The following EML6 variants were observed in gnomAD, a reference collection of about 807,000 sequenced individuals.
EML6 encodes echinoderm microtubule-associated protein-like 6.
EML6 carries 154 observed loss-of-function variants against 240.1 expected under a neutral mutation model. The ratio of observed to expected loss-of-function variants is 0.64; its 90% CI spans 0.56 to 0.73. The LOEUF is 0.73. EML6 is among the 30% of genes least tolerant of loss of function. The pLI, the probability that EML6 is intolerant of heterozygous loss-of-function variation, is 0.00. For missense variants in EML6, 2,964 were observed against 2,474.6 expected (o/e 1.20, Z -4.20); for synonymous variants, 1,148 against 899.0 (o/e 1.28, Z -4.95).
At chr2:54,726,071 C>A (rs2104358557) in intron 2 of EML6, among the ~76,000 whole-genome samples, 1 of 152,330 alleles carries the variant, frequency 6.6e-6, no homozygotes, top group East Asian at 1.9e-4. Context: ...CATTTTCCTC[C>A]AGCCCTTGTC....
At chr2:54,918,789 G>A (rs1280396350) in intron 26 of EML6, among the ~76,000 whole-genome samples, 1 of 152,154 alleles carries the variant, frequency 6.6e-6, no homozygotes, top group Admixed American at 6.6e-5. Flanking sequence ...AAAGACAAGT[G>A]GATAGTGGTC....
At chr2:54,734,984 C>A (rs1426215864) in intron 2 of EML6, among the ~76,000 whole-genome samples, 1 of 152,192 alleles carries the variant, frequency 6.6e-6, no homozygotes, top group African/African-American at 2.4e-5. Flanking sequence ...GTCTTAACAT[C>A]CTCCAGCCAC....
At chr2:54,965,661 C>T (rs1407981243) in intron 38 of EML6, among the ~76,000 whole-genome samples, 1 of 152,038 alleles carries the variant, frequency 6.6e-6, no homozygotes, top group Non-Finnish European at 1.5e-5. Flanking sequence ...TCTTCCTGCA[C>T]TAAGTCACTT....
intron 15 of EML6, among the ~76,000 whole-genome samples, chr2:54,870,950 A>G (rs932247850): frequency 6.6e-6 from 1 of 152,174 alleles, no homozygotes; most frequent in African/African-American, 2.4e-5. Context: ...CTACTATTAT[A>G]ATTTTCTTTG....
intron 31 of EML6, among the ~76,000 whole-genome samples, chr2:54,953,305 C>T (rs138204091): frequency 1.1e-4 from 17 of 152,294 alleles, no homozygotes; most frequent in African/African-American, 1.7e-4. Context: ...GGTGATATTA[C>T]GGAAACCCCA....
chr2:54,769,221 T>C (rs1184666767), intron 2 of EML6, among the ~76,000 whole-genome samples: 1 of 152,210 alleles, frequency 6.6e-6, no homozygotes, highest in Non-Finnish European at 1.5e-5. Context: ...TTAGTAGTGA[T>C]GTCAGAAGAC....
intron 26 of EML6, among the ~76,000 whole-genome samples, chr2:54,921,788 T>G (rs1207625361): frequency 6.6e-6 from 1 of 152,098 alleles, no homozygotes; most frequent in Non-Finnish European, 1.5e-5. Context: ...TATTATATAG[T>G]CCATCTTTGA....
intron 2 of EML6, among the ~76,000 whole-genome samples, chr2:54,743,149 G>A (rs759509789): frequency 6.6e-6 from 1 of 152,184 alleles, no homozygotes; most frequent in African/African-American, 2.4e-5. Context: ...GCCTATCCCC[G>A]CAGCTCAGGG....
intron 39 of EML6, 141 bp from the exon 40 acceptor site, chr2:54,967,987 A>G (rs906706982): frequency 6.7e-6 from 5 of 750,088 alleles, no homozygotes; most frequent in Admixed American, 4.7e-5. Context: ...GCCATGGACC[A>G]GTACCGTTCC....
chr2:54,958,967 C>T (rs1676364428), intron 33 of EML6, 137 bp from the exon 34 acceptor site: 1 of 774,296 alleles, frequency 1.3e-6, no homozygotes, highest in East Asian at 2.9e-5. Context: ...AATTCTGCTG[C>T]TTTCCTTAGC....
chr2:54,898,497 G>A (rs1183070337), intron 21 of EML6, among the ~76,000 whole-genome samples: 1 of 152,104 alleles, frequency 6.6e-6, no homozygotes, highest in African/African-American at 2.4e-5. Flanking sequence ...CGGGGATGTA[G>A]GGTGTCCTCA....
Position 54,859,691 on chromosome 2 carries a change from T to C in EML6, c.1815T>C (p.Thr605=). Residue 605 remains threonine (T), a synonymous_variant, in exon 12 of 42, where the codon ACT becomes ACC. Transcript: ENST00000356458. ...GTGTCAGCAACGGCATGCTGGAAAC[T>C]GCACCCCAAGGTAAACCCAGCAATA... is the stretch of plus-strand genomic sequence containing the variant. ...PEGVSNGMLE[T]APQEGGADSY... 2.6e-6 allele frequency: 4 copies of C among 1,536,390 alleles called. 1 individual carries two copies. Among genetic ancestry groups the C allele is most frequent in the Non-Finnish European group, 3.5e-6 (4 of 1,143,002 alleles).
At chr2:54,818,107 C>T (rs1668159806) in intron 4 of EML6, among the ~76,000 whole-genome samples, 1 of 152,110 alleles carries the variant, frequency 6.6e-6, no homozygotes, top group Non-Finnish European at 1.5e-5. Flanking sequence ...TATAGTCTGA[C>T]CTGAACTAGT....
chr2:54,839,302 G>T (rs900780803), intron 7 of EML6, among the ~76,000 whole-genome samples: 13 of 152,334 alleles, frequency 8.5e-5, no homozygotes, highest in African/African-American at 2.9e-4. Context: ...ATGTTATTAG[G>T]AAACATGAAT....
rs1201270341 is a variant in EML6 at position 54,850,167 on chromosome 2, T to C, written c.1393T>C (p.Tyr465His). Residue 465 changes from tyrosine (Y) to histidine (H), a missense_variant, in exon 10 of 42, where the codon TAC becomes CAC. Coordinates refer to ENST00000356458, the MANE Select transcript of EML6 (RefSeq NM_001039753.4). ...THIDWSLDSKYLQTNDGAGER... is the reference protein window; with the variant it reads ...THIDWSLDSKHLQTNDGAGER... ...TATTGACTGGTCCTTGGATAGTAAA[T>C]ACTTACAAACTAATGACGGTGCAGG... 6.4e-7 allele frequency: 1 copy of C among 1,551,676 alleles called. No individual in the cohort carries two copies. Among genetic ancestry groups the C allele is most frequent in the Admixed American group, 2.0e-5 (1 of 51,006 alleles).
chr2:54,909,929 C>T (rs1673551245), intron 24 of EML6, among the ~76,000 whole-genome samples: 3 of 148,872 alleles, frequency 2.0e-5, no homozygotes, highest in South Asian at 2.1e-4. Context: ...CTAAAGAACA[C>T]GATCTAAACC....
chr2:54,790,589 T>G (rs1348777220), intron 2 of EML6, among the ~76,000 whole-genome samples: 3 of 152,172 alleles, frequency 2.0e-5, no homozygotes, highest in Non-Finnish European at 4.4e-5. Flanking sequence ...GACCTACATT[T>G]TAATAGACTT....
chr2:54,920,723 C>T lies in EML6; in HGVS notation c.3675+3788C>T, dbSNP rs553287626. ...AAGGACATTACAAGAAAACTACAGG[C>T]CAATATGCCTGATGAATATAGGTGC... On this transcript the variant is annotated intron_variant, in intron 26 of 41. Transcript: ENST00000356458. Among the ~76,000 whole-genome samples the T allele has an allele frequency of 8.5e-5, 13 of 152,230 alleles. No homozygotes were observed. The South Asian group carries it at 2.7e-3, about 32-fold the overall frequency.
At chr2:54,916,407 C>T (rs1050710094) in intron 25 of EML6, among the ~76,000 whole-genome samples, 2 of 152,208 alleles carry the variant, frequency 1.3e-5, no homozygotes, top group Admixed American at 6.5e-5. Flanking sequence ...AAGAATTTTC[C>T]AGCCTAAGAC....
Sources: allele counts gnomAD v4.1 joint callset (sites outside exome capture counted in the v4.1 genomes callset), GRCh38; gene constraint gnomAD v4.1.1; transcripts MANE v1.5; gene names NCBI Gene and HGNC (gene_info 2026-07-23, HGNC 2026-07-21).